The following TRAM1 variants were observed in gnomAD, a reference collection of about 807,000 sequenced individuals.
TRAM1 encodes translocating chain-associated membrane protein 1.
A neutral mutation model predicts 48.7 loss-of-function variants in TRAM1; 17 were observed. That is an observed-to-expected ratio of 0.35 (90% CI 0.24 to 0.52). The LOEUF (loss-of-function observed/expected upper bound fraction) is 0.52, where lower values mean the gene tolerates loss of function less well. Among genes scored for constraint, TRAM1 ranks in the 20% least tolerant of loss-of-function variants. The probability of loss-of-function intolerance (pLI) is 0.94; values close to 1 mark genes in which losing one functional copy is unlikely to be tolerated. For synonymous variants in TRAM1, 182 were observed against 154.0 expected (o/e 1.18, Z -1.34); for missense variants, 351 against 441.5 (o/e 0.79, Z 1.84).
At position 70,574,078 on chromosome 8, in the gene TRAM1, G is replaced by A; in HGVS notation, c.*854C>T. 4.0e-6 allele frequency: 1 copy of A among 252,344 alleles called. No homozygotes were observed. Among genetic ancestry groups the A allele is most frequent in the Non-Finnish European group, 7.9e-6 (1 of 126,506 alleles). 15.6% of individuals were successfully genotyped at this position (252,344 alleles called of 1,614,324 possible). On this transcript the variant is annotated 3_prime_UTR_variant, in exon 11 of 11. Transcript: ENST00000262213. ...TAGATATAAATCAAGTAGGCATTAT[G>A]TTTTAAAAGTGTTTGCAGGTTAAAC... is the stretch of plus-strand genomic sequence containing the variant.
At chr8:70,576,662 CAG>C (rs1816959941) in intron 10 of TRAM1, among the ~76,000 whole-genome samples, 1 of 152,208 alleles carries the variant, frequency 6.6e-6, no homozygotes, top group South Asian at 2.1e-4. Context: ...CTCCACTTCT[CAG>C]TGATGGCAGC....
At chr8:70,601,130 C>G (rs559903852) in intron 1 of TRAM1, among the ~76,000 whole-genome samples, 1 of 152,256 alleles carries the variant, frequency 6.6e-6, no homozygotes, top group Admixed American at 6.5e-5. Context: ...AGTGGTATCC[C>G]AGGCCCCTTC....
At chr8:70,602,911 T>C (rs1376348057) in intron 1 of TRAM1, among the ~76,000 whole-genome samples, 2 of 152,118 alleles carry the variant, frequency 1.3e-5, no homozygotes, top group Admixed American at 6.5e-5. Flanking sequence ...CACTGACTTA[T>C]GAGTACTAGA....
chr8:70,585,068 G>A (rs1817180802), intron 8 of TRAM1, among the ~76,000 whole-genome samples: 1 of 152,126 alleles, frequency 6.6e-6, no homozygotes, highest in Non-Finnish European at 1.5e-5. Flanking sequence ...CATGGTACTG[G>A]TACCAAAACA....
chr8:70,594,303 AG>A (rs1817432923), intron 6 of TRAM1, among the ~76,000 whole-genome samples: 1 of 111,554 alleles, frequency 9.0e-6, no homozygotes, highest in African/African-American at 3.0e-5. Context: ...TACTGACTGA[AG>A]GTTTTTTTTT....
chr8:70,600,605 C>CT (rs1235269830), intron 1 of TRAM1, among the ~76,000 whole-genome samples: 2 of 152,142 alleles, frequency 1.3e-5, no homozygotes, highest in Non-Finnish European at 2.9e-5. Context: ...AAATGGAATG[C>CT]TTACCCAATC....
chr8:70,593,194 G>A (rs1817405105), intron 6 of TRAM1, among the ~76,000 whole-genome samples: 1 of 152,032 alleles, frequency 6.6e-6, no homozygotes, highest in African/African-American at 2.4e-5. Context: ...TTAATTTGGT[G>A]CTGTTTTCTA....
intron 2 of TRAM1, 148 bp from the exon 3 acceptor site, chr8:70,598,403 T>C: frequency 1.5e-6 from 1 of 652,386 alleles, no homozygotes; most frequent in East Asian, 3.8e-5. Context: ...CTTGGACATC[T>C]TGAGTCTTAG....
At position 70,608,215 on chromosome 8, in the gene TRAM1, C is replaced by T; in HGVS notation, c.-16G>A. ...GAATCGCCATGGTGGGGCCGCCGCC[C>T]GCGCCTGCAGGTGCTCCGCCCCGGT... On this transcript the variant is annotated 5_prime_UTR_variant, in exon 1 of 11. Transcript: ENST00000262213. 2 of 1,582,480 alleles carry T rather than the reference C, an allele frequency of 1.3e-6. No individual in the cohort carries two copies. Among genetic ancestry groups the T allele is most frequent in the African/African-American group, 1.4e-5 (1 of 72,010 alleles).
intron 1 of TRAM1, chr8:70,606,805 GT>G: frequency 1.3e-6 from 1 of 796,386 alleles, no homozygotes; most frequent in Non-Finnish European, 1.5e-6. Context: ...CGAAAATAAG[GT>G]TAAAATATTA....
intron 10 of TRAM1, among the ~76,000 whole-genome samples, chr8:70,579,438 C>T (rs1817027740): frequency 6.6e-6 from 1 of 152,166 alleles, no homozygotes. Context: ...CATTATTTAG[C>T]ACGTAACTAT....
chr8:70,605,289 C>T (rs1229528378), intron 1 of TRAM1, among the ~76,000 whole-genome samples: 1 of 152,112 alleles, frequency 6.6e-6, no homozygotes, highest in Admixed American at 6.6e-5. Flanking sequence ...CCAATAAGCC[C>T]CATTTTACAG....
In TRAM1 at chr8:70,579,258, G is replaced by T. The variant is rs190086661; in HGVS notation, c.1051+3906C>A. Among the ~76,000 whole-genome samples, 153 of 152,302 alleles carry T rather than the reference G, an allele frequency of 1.0e-3. 2 individuals are homozygous for T. The highest frequency in any genetic ancestry group is 6.8e-3 in the Middle Eastern group (2 of 294). ...CCTAGGCTAAAAATCTGCATGGCAT[G>T]TTACTGTATGGAATACTTTAGGCAA... is the stretch of plus-strand genomic sequence containing the variant. On this transcript the variant is annotated intron_variant, in intron 10 of 10. Transcript: ENST00000262213.
Position 70,574,206 on chromosome 8 carries a change from AG to A in TRAM1, c.*725del, listed in dbSNP as rs1816890838. ...CTATATGTCAGATTTTCCTGTTCAT[AG>A]TAAATATTTTCTGATTTCCAGTTTA... is the stretch of plus-strand genomic sequence containing the variant. On this transcript the variant is annotated 3_prime_UTR_variant, in exon 11 of 11. Transcript: ENST00000262213. 1 of 408,468 alleles carries A rather than the reference AG, an allele frequency of 2.4e-6. No homozygotes were observed. Among genetic ancestry groups the A allele is most frequent in the South Asian group, 1.8e-5 (1 of 54,782 alleles). The allele number at this position is 408,468 out of a possible 1,614,324, so 25.3% of individuals were successfully genotyped here.
intron 8 of TRAM1, among the ~76,000 whole-genome samples, chr8:70,586,516 G>T (rs1342179248): frequency 1.3e-5 from 2 of 151,952 alleles, no homozygotes; most frequent in Non-Finnish European, 2.9e-5. Context: ...TCTGTTTTCA[G>T]TTCAATTTCA....
At chr8:70,578,067 G>A (rs1000046525) in intron 10 of TRAM1, among the ~76,000 whole-genome samples, 1 of 152,158 alleles carries the variant, frequency 6.6e-6, no homozygotes, top group African/African-American at 2.4e-5. Context: ...GATCTGGGCC[G>A]GTAGCTTAAG....
At chr8:70,601,897 T>C (rs1817613893) in intron 1 of TRAM1, among the ~76,000 whole-genome samples, 1 of 152,158 alleles carries the variant, frequency 6.6e-6, no homozygotes, top group Non-Finnish European at 1.5e-5. Context: ...TAAATAAAGA[T>C]TTGGGAGTCT....
chr8:70,607,877 C>A, intron 1 of TRAM1, 200 bp downstream of exon 1: 2 of 545,000 alleles, frequency 3.7e-6, no homozygotes, highest in Admixed American at 9.1e-5. Flanking sequence ...CGGGACTTTG[C>A]ATCTCCGGGC....
At chr8:70,596,122 G>C (rs373609237) in intron 5 of TRAM1, 141 bp downstream of exon 5, 8 of 535,718 alleles carry the variant, frequency 1.5e-5, no homozygotes, top group East Asian at 1.2e-4. Context: ...TTTTCTTACG[G>C]CAGTGGGACT....
Sources: allele counts gnomAD v4.1 joint callset (sites outside exome capture counted in the v4.1 genomes callset), GRCh38; gene constraint gnomAD v4.1.1; transcripts MANE v1.5; gene names NCBI Gene and HGNC (gene_info 2026-07-23, HGNC 2026-07-21).